Variants in FBXO40 observed in about 807,000 individuals in gnomAD.
The protein encoded by FBXO40 is F-box protein 40, also known as F-box only protein 40.
FBXO40 carries 50 observed loss-of-function variants against 49.9 expected under a neutral mutation model. The observed-to-expected ratio is 1.00, with a 90% CI of 0.80 to 1.27. FBXO40 has a LOEUF of 1.27. Among genes scored for constraint, FBXO40 ranks in the 50% most tolerant of loss-of-function variants. The pLI is 0.00. For synonymous variants in FBXO40, 340 were observed against 320.2 expected, an observed-to-expected ratio of 1.06 and a Z score of -0.66; for missense variants, 895 against 870.1, an observed-to-expected ratio of 1.03 and a Z score of -0.36.
In FBXO40 at chr3:121,621,414, C is replaced by T. The variant is rs748746662; in HGVS notation, c.4-19C>T. On this transcript the variant is annotated intron_variant, in intron 2 of 3. Transcript: ENST00000338040. The stretch of plus-strand genomic sequence containing the variant: ...TCAGTATTCATTTGTTTTCTTCCCC[C>T]TGTCCTTGGTGTGTCCAGGGGAAAG... 20 of 1,591,022 alleles carry T rather than the reference C, an allele frequency of 1.3e-5. No homozygotes were observed. The African/African-American group carries it at 2.1e-4, about 17-fold the overall frequency.
In FBXO40 at chr3:121,628,267, C is replaced by T. The variant is rs1195888650; in HGVS notation, c.*1357C>T. The T allele has an allele frequency of 5.8e-6, 1 of 172,290 alleles. No homozygotes were observed. The highest frequency in any genetic ancestry group is 2.4e-5 in the African/African-American group (1 of 42,208). The allele number at this position is 172,290 out of a possible 1,614,324, so 10.7% of individuals were successfully genotyped here. On this transcript the variant is annotated 3_prime_UTR_variant, in exon 4 of 4. Coordinates refer to ENST00000338040, the MANE Select transcript of FBXO40 (RefSeq NM_016298.4). The stretch of plus-strand genomic sequence containing the variant: ...TCTCGGCTCACCGCAACCTCCGCCT[C>T]CTGGGTTCAAGCGATTCTCCTGCCT...
intron 1 of FBXO40, among the ~76,000 whole-genome samples, chr3:121,607,010 T>C (rs1451421743): frequency 6.6e-6 from 1 of 152,114 alleles, no homozygotes; most frequent in Non-Finnish European, 1.5e-5. Flanking sequence ...CATGCCTGTA[T>C]TCCCAGCACT....
At chr3:121,625,117 T>C (rs925845808) in intron 3 of FBXO40, among the ~76,000 whole-genome samples, 1 of 152,228 alleles carries the variant, frequency 6.6e-6, no homozygotes, top group Admixed American at 6.5e-5. Flanking sequence ...TCAAAGAACC[T>C]TTCCCTTCAG....
At chr3:121,613,281 A>G (rs997261881) in intron 1 of FBXO40, among the ~76,000 whole-genome samples, 1 of 152,140 alleles carries the variant, frequency 6.6e-6, no homozygotes. Flanking sequence ...CTTAGTGCCA[A>G]TTTGGCCAAG....
intron 1 of FBXO40, among the ~76,000 whole-genome samples, chr3:121,601,649 A>G (rs1400070566): frequency 6.6e-6 from 1 of 152,258 alleles, no homozygotes; most frequent in African/African-American, 2.4e-5. Flanking sequence ...GCATAGAAGC[A>G]CACTGAACTA....
chr3:121,619,184 T>G (rs1474511349), intron 1 of FBXO40, among the ~76,000 whole-genome samples: 1 of 151,880 alleles, frequency 6.6e-6, no homozygotes, highest in Non-Finnish European at 1.5e-5. Context: ...ACTGTTTTTT[T>G]TTTTAGTAGA....
chr3:121,612,693 G>A (rs1239335411), intron 1 of FBXO40, among the ~76,000 whole-genome samples: 2 of 152,054 alleles, frequency 1.3e-5, no homozygotes, highest in East Asian at 1.9e-4. Context: ...TCAAGCCGAA[G>A]TATAGTGTTA....
chr3:121,627,613 C>T lies in FBXO40; in HGVS notation c.*703C>T, dbSNP rs190908066. The T allele has an allele frequency of 7.8e-4, 292 of 376,680 alleles. 1 individual carries two copies. In the East Asian group the frequency reaches 0.01, roughly 13 times the overall value. The allele number at this position is 376,680 out of a possible 1,614,324, so 23.3% of individuals were successfully genotyped here. A position where few individuals can be genotyped will look rare whatever the true frequency, so the allele number is the denominator to read the frequency against. On this transcript the variant is annotated 3_prime_UTR_variant, in exon 4 of 4. Coordinates refer to ENST00000338040, the MANE Select transcript of FBXO40 (RefSeq NM_016298.4). Reference sequence around the variant, plus strand: ...AGGAAAGCCTTGATAAATCGGGAGTCCAAAGGAGACACCATATTTATGGAG... The same window carrying T: ...AGGAAAGCCTTGATAAATCGGGAGTTCAAAGGAGACACCATATTTATGGAG...
intron 3 of FBXO40, among the ~76,000 whole-genome samples, chr3:121,623,987 CTTT>C (rs371355210): frequency 3.0e-4 from 29 of 96,032 alleles, no homozygotes; most frequent in Admixed American, 1.1e-3. Context: ...TGCACCTGGC[CTTT>C]TTTTTTTTTT....
intron 1 of FBXO40, among the ~76,000 whole-genome samples, chr3:121,594,585 T>C (rs1287435713): frequency 6.6e-6 from 1 of 152,250 alleles, no homozygotes; most frequent in Non-Finnish European, 1.5e-5. Context: ...CATTCTCATG[T>C]AGCTTAAAAT....
intron 1 of FBXO40, among the ~76,000 whole-genome samples, chr3:121,601,637 ACG>A: frequency 6.6e-6 from 1 of 152,236 alleles, no homozygotes; most frequent in African/African-American, 2.4e-5. Context: ...TTCTCACTGC[ACG>A]CATAGAAGCA....
intron 1 of FBXO40, among the ~76,000 whole-genome samples, chr3:121,608,564 T>C (rs1222219512): frequency 6.6e-6 from 1 of 152,180 alleles, no homozygotes; most frequent in Admixed American, 6.5e-5. Flanking sequence ...CTTGGAGAAC[T>C]TCAAGAATTA....
Position 121,621,714 on chromosome 3 carries a change from C to A in FBXO40, c.285C>A (p.Cys95Ter). Residue 95 changes from cysteine (C) to a stop codon, truncating the protein, a stop_gained, in exon 3 of 4, where the codon TGC (cysteine) becomes TGA (stop). Coordinates refer to ENST00000338040, the MANE Select transcript of FBXO40 (RefSeq NM_016298.4). LOFTEE classifies it high-confidence loss of function. ...LQVCPASVVCCSMEWNRWPNV... is the reference protein window; with the variant it reads ...LQVCPASVVC The stretch of plus-strand genomic sequence containing the variant: ...TGTGCCCCGCCAGCGTGGTCTGCTG[C>A]TCCATGGAGTGGAACCGCTGGCCAA... 6.2e-7 allele frequency: 1 copy of A among 1,614,248 alleles called. No individual in the cohort carries two copies. Among genetic ancestry groups the A allele is most frequent in the Non-Finnish European group, 8.5e-7 (1 of 1,180,032 alleles).
intron 1 of FBXO40, among the ~76,000 whole-genome samples, chr3:121,613,732 C>T (rs2108848374): frequency 6.6e-6 from 1 of 152,276 alleles, no homozygotes; most frequent in Non-Finnish European, 1.5e-5. Flanking sequence ...CCATCTCTTC[C>T]AATAATTAAG....
rs2049069550 is a variant in FBXO40 at position 121,627,593 on chromosome 3, A to G, written c.*683A>G. 2 of 353,160 alleles carry G rather than the reference A, an allele frequency of 5.7e-6. No homozygotes were observed. The highest frequency in any genetic ancestry group is 1.0e-5 in the Non-Finnish European group (2 of 198,136). 21.9% of individuals were successfully genotyped at this position (353,160 alleles called of 1,614,324 possible). A position where few individuals can be genotyped will look rare whatever the true frequency, so the allele number is the denominator to read the frequency against. On this transcript the variant is annotated 3_prime_UTR_variant, in exon 4 of 4. Coordinates refer to ENST00000338040, the MANE Select transcript of FBXO40 (RefSeq NM_016298.4). The stretch of plus-strand genomic sequence containing the variant: ...GAATCTTGGCAACATACAGCAGGAA[A>G]GCCTTGATAAATCGGGAGTCCAAAG...
intron 1 of FBXO40, among the ~76,000 whole-genome samples, chr3:121,597,662 T>C (rs900540881): frequency 1.4e-5 from 2 of 144,504 alleles, no homozygotes; most frequent in African/African-American, 5.2e-5. Flanking sequence ...AGGCCCCCTT[T>C]TTTTTTTTTT....
Position 121,627,144 on chromosome 3 carries a change from C to A in FBXO40, c.*234C>A. ...CTTGTTTCCTTTTTTCTTTTCTTTT[C>A]TTTTCTTTTTTCTTTCTTTCTAAAA... On this transcript the variant is annotated 3_prime_UTR_variant, in exon 4 of 4. Transcript: ENST00000338040. 1 of 525,872 alleles carries A rather than the reference C, an allele frequency of 1.9e-6. No individual in the cohort carries two copies. The highest frequency in any genetic ancestry group is 3.4e-6 in the Non-Finnish European group (1 of 294,720). 32.6% of individuals were successfully genotyped at this position (525,872 alleles called of 1,614,324 possible).
At chr3:121,594,448 G>A (rs979254124) in intron 1 of FBXO40, among the ~76,000 whole-genome samples, 6 of 152,060 alleles carry the variant, frequency 3.9e-5, no homozygotes, top group South Asian at 2.1e-4. Flanking sequence ...TGATCCACCC[G>A]CTTCGGCCTC....
chr3:121,611,717 T>C (rs1460114928), intron 1 of FBXO40, among the ~76,000 whole-genome samples: 2 of 152,234 alleles, frequency 1.3e-5, no homozygotes, highest in Non-Finnish European at 2.9e-5. Flanking sequence ...CACGAGGCCA[T>C]ATTTCAGACT....
Sources: allele counts gnomAD v4.1 joint callset (sites outside exome capture counted in the v4.1 genomes callset), GRCh38; gene constraint gnomAD v4.1.1; transcripts MANE v1.5; gene names NCBI Gene and HGNC (gene_info 2026-07-23, HGNC 2026-07-21).